Variants in EML1 observed in about 807,000 individuals in gnomAD.
EML1 encodes echinoderm microtubule-associated protein-like 1.
In EML1, 27 loss-of-function variants were observed where a neutral mutation model predicts 110.4. The observed-to-expected ratio is 0.24, with a 90% CI of 0.18 to 0.34. The LOEUF is 0.34. Ranked by LOEUF, EML1 falls within the 10% of genes least tolerant of loss-of-function variation. The pLI is 1.00. For missense variants in EML1, 741 were observed against 1,030.9 expected (o/e 0.72, Z 3.85); for synonymous variants, 344 against 385.8 (o/e 0.89, Z 1.27).
At position 99,877,811 on chromosome 14, in the gene EML1, A is replaced by G. The variant is rs565448149; in HGVS notation, c.384-674A>G. 9.2e-5 allele frequency among the ~76,000 whole-genome samples: 14 copies of G among 152,268 alleles called. No individual in the cohort carries two copies. The East Asian group carries it at 2.5e-3, about 27-fold the overall frequency. On this transcript the variant is annotated intron_variant, in intron 3 of 21. Transcript: ENST00000262233. ...CCATCCCGGGCCATGCAGGATTTCT[A>G]GCCGCACCCCGGGTCTCCACCCACT...
chr14:99,896,274 A>G (rs1053572278), intron 6 of EML1, among the ~76,000 whole-genome samples: 2 of 152,194 alleles, frequency 1.3e-5, no homozygotes, highest in African/African-American at 4.8e-5. Context: ...TTCATTTAGA[A>G]TAATTACTAT....
chr14:99,778,965 C>T (rs55736737), intron 1 of EML1, among the ~76,000 whole-genome samples: 19,573 of 152,164 alleles, frequency 0.13, 1,489 homozygotes, highest in East Asian at 0.37. Flanking sequence ...ATGGACGTAA[C>T]ATTTGGTGGG....
intron 2 of EML1, 44 bp from the exon 3 acceptor site, chr14:99,865,470 T>G (rs370504221): frequency 7.2e-5 from 116 of 1,611,070 alleles, no homozygotes; most frequent in Middle Eastern, 5.0e-4. Flanking sequence ...ATGTTACCTT[T>G]GCAAAGGGGA....
intron 17 of EML1, among the ~76,000 whole-genome samples, chr14:99,929,056 C>T (rs1404862016): frequency 2.6e-5 from 4 of 152,214 alleles, no homozygotes; most frequent in African/African-American, 2.4e-5. Context: ...TACCTGTCAG[C>T]GCCTGCTAAC....
At chr14:99,772,075 T>C (rs916206848), upstream of EML1, among the ~76,000 whole-genome samples, 2 of 152,150 alleles carry the variant, frequency 1.3e-5, no homozygotes, top group Admixed American at 6.5e-5. Context: ...TCTTTGTGAG[T>C]GGAGTGATTT....
chr14:99,808,712 G>A (rs570658548), intron 1 of EML1, among the ~76,000 whole-genome samples: 19 of 152,248 alleles, frequency 1.2e-4, no homozygotes, highest in Non-Finnish European at 2.2e-4. Context: ...ACAAAACCAC[G>A]TATGCTCCAC....
chr14:99,775,793 T>C (rs531570132), intron 1 of EML1, among the ~76,000 whole-genome samples: 2 of 152,358 alleles, frequency 1.3e-5, no homozygotes, highest in East Asian at 3.9e-4. Flanking sequence ...ATATAACTTA[T>C]TAGCCTCTCC....
At chr14:99,871,628 A>G (rs748220726) in intron 3 of EML1, among the ~76,000 whole-genome samples, 1 of 152,216 alleles carries the variant, frequency 6.6e-6, no homozygotes, top group Non-Finnish European at 1.5e-5. Context: ...CTCTGAGGCA[A>G]TTCAAGACTT....
At chr14:99,898,083 C>T in intron 7 of EML1, 150 bp from the exon 8 acceptor site, 3 of 519,202 alleles carry the variant, frequency 5.8e-6, no homozygotes, top group Admixed American at 7.5e-5. Flanking sequence ...TGTCTAACGT[C>T]GTGGTGCTCA....
chr14:99,815,569 G>C (rs1237068920), intron 1 of EML1, among the ~76,000 whole-genome samples: 1 of 152,090 alleles, frequency 6.6e-6, no homozygotes, highest in Non-Finnish European at 1.5e-5. Context: ...GCAAACAATG[G>C]TTTCTTTTTG....
intron 9 of EML1, among the ~76,000 whole-genome samples, chr14:99,901,910 G>T (rs575951917): frequency 3.3e-5 from 5 of 152,252 alleles, no homozygotes; most frequent in African/African-American, 1.2e-4. Flanking sequence ...AGTTGCTCTG[G>T]TTCAAATGCC....
chr14:99,924,797 G>A (rs1446049445), intron 17 of EML1, among the ~76,000 whole-genome samples: 1 of 152,154 alleles, frequency 6.6e-6, no homozygotes, highest in Non-Finnish European at 1.5e-5. Flanking sequence ...CATGAATGGG[G>A]TTGGAGTTTA....
chr14:99,777,409 C>CT (rs1268242937), intron 1 of EML1, among the ~76,000 whole-genome samples: 1 of 152,020 alleles, frequency 6.6e-6, no homozygotes. Flanking sequence ...ACCTTTCTTT[C>CT]TTTTTTTGTT....
At chr14:99,899,659 G>A (rs2140014200) in intron 8 of EML1, among the ~76,000 whole-genome samples, 1 of 151,708 alleles carries the variant, frequency 6.6e-6, no homozygotes, top group South Asian at 2.1e-4. Context: ...CAGAAATAAT[G>A]GAAATCAGAC....
chr14:99,844,983 T>C (rs1788432711), intron 1 of EML1, among the ~76,000 whole-genome samples: 1 of 152,196 alleles, frequency 6.6e-6, no homozygotes, highest in Admixed American at 6.5e-5. Context: ...ACCAGAAACA[T>C]TGGCGTATCG....
chr14:99,756,173 C>T (rs987919164), intron 1 of EML1, among the ~76,000 whole-genome samples: 2 of 152,196 alleles, frequency 1.3e-5, no homozygotes, highest in Non-Finnish European at 2.9e-5. Flanking sequence ...GTGCTGGGCC[C>T]CAGAGAAGGA....
chr14:99,776,201 A>G (rs1031623298), intron 1 of EML1, among the ~76,000 whole-genome samples: 1 of 152,194 alleles, frequency 6.6e-6, no homozygotes, highest in African/African-American at 2.4e-5. Context: ...TGGAGGAAAT[A>G]TAAAAACCTG....
intron 2 of EML1, among the ~76,000 whole-genome samples, chr14:99,864,834 A>G (rs957996230): frequency 6.7e-6 from 1 of 150,188 alleles, no homozygotes; most frequent in Non-Finnish European, 1.5e-5. Flanking sequence ...AGAAAAGATG[A>G]TCCTTTCTCC....
At chr14:99,914,802 C>A (rs2060006417) in intron 15 of EML1, 105 bp downstream of exon 15, 2 of 1,412,050 alleles carry the variant, frequency 1.4e-6, no homozygotes, top group South Asian at 2.7e-5. Flanking sequence ...TGTCCCAAAG[C>A]AAATGTTATT....
Sources: allele counts gnomAD v4.1 joint callset (sites outside exome capture counted in the v4.1 genomes callset), GRCh38; gene constraint gnomAD v4.1.1; transcripts MANE v1.5; gene names NCBI Gene and HGNC (gene_info 2026-07-23, HGNC 2026-07-21).